Variants in CDH18 observed in about 807,000 individuals in gnomAD.
CDH18 encodes the protein cadherin 18.
Under a neutral mutation model 67.9 loss-of-function variants are expected in CDH18, and 31 were observed. The observed-to-expected ratio is 0.46, with a 90% confidence interval of 0.34 to 0.62. The LOEUF (loss-of-function observed/expected upper bound fraction) is 0.62, where lower values mean the gene tolerates loss of function less well. CDH18 is among the 20% of genes least tolerant of loss of function. The pLI, the probability that CDH18 is intolerant of heterozygous loss-of-function variation, is 0.01. For synonymous variants in CDH18, 362 were observed against 347.2 expected, an observed-to-expected ratio of 1.04 and a Z score of -0.48; for missense variants, 890 against 975.5, an observed-to-expected ratio of 0.91 and a Z score of 1.17.
chr5:20,099,494 G>A (rs1746272153), intron 2 of CDH18, among the ~76,000 whole-genome samples: 1 of 151,908 alleles, frequency 6.6e-6, no homozygotes, highest in Non-Finnish European at 1.5e-5. Context: ...ATTTTTTTCA[G>A]GATAAAATTA....
At chr5:19,487,998 T>C (rs1213211187) in intron 11 of CDH18, among the ~76,000 whole-genome samples, 1 of 152,198 alleles carries the variant, frequency 6.6e-6, no homozygotes, top group African/African-American at 2.4e-5. Flanking sequence ...ATTCAACTTC[T>C]GTATTTCTAC....
At chr5:19,644,317 C>T (rs996569710) in intron 5 of CDH18, among the ~76,000 whole-genome samples, 2 of 152,012 alleles carry the variant, frequency 1.3e-5, no homozygotes, top group Non-Finnish European at 2.9e-5. Context: ...GAATTACTTC[C>T]TAATACTGTG....
rs967567928 is a variant in CDH18, at chr5:20,080,689, T to C, written c.-517-88675A>G. On this transcript the variant is annotated intron_variant, in intron 2 of 14. Coordinates refer to the CDH18 transcript ENST00000507958. ...TAGTAAAACAAACTATAATTGTCCA[T>C]TTTATAGAAAGAAAAAAGAAAAATG... is the stretch of plus-strand genomic sequence containing the variant. Among the ~76,000 whole-genome samples the C allele has an allele frequency of 3.1e-4, 47 of 149,844 alleles. 2 individuals carry two copies. The highest frequency in any genetic ancestry group is 1.5e-5 in the Non-Finnish European group (1 of 67,648).
At chr5:20,076,225 T>C (rs1031592195) in intron 2 of CDH18, among the ~76,000 whole-genome samples, 2 of 152,114 alleles carry the variant, frequency 1.3e-5, no homozygotes, top group Non-Finnish European at 2.9e-5. Context: ...ATCAGGTATA[T>C]AGTGTTATAT....
At chr5:20,050,839 C>G (rs1741357177) in intron 2 of CDH18, among the ~76,000 whole-genome samples, 1 of 151,786 alleles carries the variant, frequency 6.6e-6, no homozygotes, top group African/African-American at 2.4e-5. Flanking sequence ...AGGACACAGC[C>G]TGGCATTTAG....
chr5:19,936,346 T>C (rs1014962214), intron 2 of CDH18, among the ~76,000 whole-genome samples: 3 of 151,274 alleles, frequency 2.0e-5, no homozygotes, highest in Non-Finnish European at 4.4e-5. Context: ...ATAAATGATG[T>C]TTGTTTCTCT....
At chr5:19,494,478 C>G (rs1741971211) in intron 11 of CDH18, among the ~76,000 whole-genome samples, 1 of 152,180 alleles carries the variant, frequency 6.6e-6, no homozygotes, top group Middle Eastern at 3.2e-3. Flanking sequence ...AACTCCGAAA[C>G]ATTCTATTTG....
intron 1 of CDH18, among the ~76,000 whole-genome samples, chr5:20,389,962 C>T (rs1305323320): frequency 1.3e-5 from 2 of 152,138 alleles, no homozygotes; most frequent in South Asian, 4.1e-4. Context: ...TGGATCCCTT[C>T]CTTACACCTT....
chr5:19,842,266 C>T (rs1284343305), intron 2 of CDH18, among the ~76,000 whole-genome samples: 1 of 152,126 alleles, frequency 6.6e-6, no homozygotes, highest in African/African-American at 2.4e-5. Flanking sequence ...GCTCTGTGTC[C>T]CCACCTATCT....
intron 1 of CDH18, among the ~76,000 whole-genome samples, chr5:20,502,638 AATT>A (rs1484130692): frequency 2.0e-5 from 3 of 152,366 alleles, no homozygotes; most frequent in Admixed American, 6.5e-5. Context: ...TAGAAAAAAT[AATT>A]ATGTTTTTGA....
intron 5 of CDH18, among the ~76,000 whole-genome samples, chr5:19,618,476 G>T (rs919526829): frequency 6.6e-6 from 1 of 152,072 alleles, no homozygotes; most frequent in Non-Finnish European, 1.5e-5. Flanking sequence ...GAAGTGCTGG[G>T]ATTACAGGCA....
At chr5:20,197,716 G>A (rs1739097244) in intron 2 of CDH18, among the ~76,000 whole-genome samples, 1 of 152,158 alleles carries the variant, frequency 6.6e-6, no homozygotes, top group Admixed American at 6.5e-5. Flanking sequence ...TGTTTAGAGA[G>A]CATTATGTGT....
chr5:19,702,646 T>C (rs952177332), intron 5 of CDH18, among the ~76,000 whole-genome samples: 7 of 152,086 alleles, frequency 4.6e-5, no homozygotes, highest in Middle Eastern at 3.4e-3. Context: ...CGTGCACCTG[T>C]AATCCCAGGC....
rs561360050 is a variant in CDH18, at chr5:20,217,723, C to T, written c.-518+37721G>A. Reference sequence around the variant, plus strand: ...TAGACTAAACTCTCCAAGCAAAAGACAGAATGGCTTAATAGATTTAAAAAA... The same window carrying T: ...TAGACTAAACTCTCCAAGCAAAAGATAGAATGGCTTAATAGATTTAAAAAA... On this transcript the variant is annotated intron_variant, in intron 2 of 14. Transcript: ENST00000507958. 5.3e-5 allele frequency among the ~76,000 whole-genome samples: 8 copies of T among 151,656 alleles called. No individual in the cohort carries two copies. The South Asian group carries it at 1.7e-3, about 31-fold the overall frequency.
intron 9 of CDH18, among the ~76,000 whole-genome samples, chr5:19,538,528 G>C (rs1237399638): frequency 6.6e-6 from 1 of 151,986 alleles, no homozygotes; most frequent in Non-Finnish European, 1.5e-5. Context: ...CTTTACATTT[G>C]TAAGAGTTAA....
chr5:20,301,175 TTTTGTTTTTTTG>T (rs1446105924), intron 1 of CDH18, among the ~76,000 whole-genome samples: 3 of 141,726 alleles, frequency 2.1e-5, no homozygotes, highest in Admixed American at 1.3e-4. Context: ...GACAGTGTTT[TTTTGTTTTTTTG>T]TTTGTTTGTT....
intron 1 of CDH18, among the ~76,000 whole-genome samples, chr5:20,333,331 G>A (rs113661390): frequency 0.11 from 16,367 of 151,516 alleles, 1,459 homozygotes; most frequent in East Asian, 0.37. Flanking sequence ...ACATGGTGAA[G>A]CCTCGTCTCT....
intron 2 of CDH18, among the ~76,000 whole-genome samples, chr5:20,032,853 C>T (rs1739523391): frequency 6.6e-6 from 1 of 151,860 alleles, no homozygotes; most frequent in Non-Finnish European, 1.5e-5. Context: ...GATTAATTTG[C>T]CCAGGGTCAC....
chr5:19,492,677 A>G (rs79743602), intron 11 of CDH18, among the ~76,000 whole-genome samples: 5,463 of 152,226 alleles, frequency 0.036, 146 homozygotes, highest in Non-Finnish European at 0.057. Flanking sequence ...GTTATTACCA[A>G]CATATTAATT....
Sources: gnomAD v4.1 joint callset for allele counts (sites outside exome capture counted in the v4.1 genomes callset) on GRCh38, gnomAD v4.1.1 for gene constraint, MANE v1.5 for transcripts, NCBI Gene and HGNC (gene_info 2026-07-23, HGNC 2026-07-21) for gene names.